The following C6orf163 variants were observed in gnomAD, a reference collection of about 807,000 sequenced individuals.
C6orf163 encodes the protein uncharacterized protein C6orf163.
In C6orf163, 22 loss-of-function variants were observed where a neutral mutation model predicts 28.4. The ratio of observed to expected loss-of-function variants is 0.78; its 90% CI spans 0.55 to 1.11. The LOEUF (loss-of-function observed/expected upper bound fraction) is 1.11. Among genes scored for constraint, C6orf163 ranks in the 50% least tolerant of loss-of-function variants. The pLI, the probability that C6orf163 is intolerant of heterozygous loss-of-function variation, is 0.00. For synonymous variants in C6orf163, 110 were observed against 123.6 expected (o/e 0.89, Z 0.73); for missense variants, 342 against 389.1 (o/e 0.88, Z 1.02).
intron 4 of C6orf163, among the ~76,000 whole-genome samples, chr6:87,359,537 G>C (rs764857651): frequency 2.2e-4 from 34 of 152,338 alleles, no homozygotes; most frequent in Admixed American, 5.9e-4. Context: ...GGTTGTACCT[G>C]ATTGAAATAG....
At chr6:87,364,377 C>G (rs1777617910) in intron 4 of C6orf163, among the ~76,000 whole-genome samples, 1 of 151,988 alleles carries the variant, frequency 6.6e-6, no homozygotes, top group South Asian at 2.1e-4. Flanking sequence ...TTAAAAATGT[C>G]TCCCTTTTAG....
At chr6:87,358,313 T>TA (rs201965539) in intron 4 of C6orf163, 16,179 of 144,668 alleles carry the variant, frequency 0.11, 885 homozygotes, top group East Asian at 0.13. Flanking sequence ...CTCTTAAAGT[T>TA]AAAAAAAAAA....
chr6:87,361,161 T>C (rs1777575399), intron 4 of C6orf163, among the ~76,000 whole-genome samples: 1 of 152,084 alleles, frequency 6.6e-6, no homozygotes, highest in Non-Finnish European at 1.5e-5. Flanking sequence ...CGCACATGCC[T>C]GTAGTCTCAG....
At position 87,365,093 on chromosome 6, in the gene C6orf163, A is replaced by G; in HGVS notation, c.687A>G (p.Gln229=). ...ATGGCATAGCTCAGAGGCAGAGGCAAGAAGAGGTACAGGAAGTGCTTCAAG... is the reference window on the plus strand; with the variant it reads ...ATGGCATAGCTCAGAGGCAGAGGCAGGAAGAGGTACAGGAAGTGCTTCAAG... ...ILYGIAQRQR[Q]EEVQEVLQEA... Residue 229 remains glutamine, a synonymous_variant, in exon 5 of 5, where the codon CAA becomes CAG. Coordinates refer to ENST00000388923, the MANE Select transcript of C6orf163 (RefSeq NM_001010868.3). 3.2e-6 allele frequency: 5 copies of G among 1,552,046 alleles called. No homozygotes were observed. The highest frequency in any genetic ancestry group is 4.4e-6 in the Non-Finnish European group (5 of 1,147,066).
At chr6:87,355,961 T>C (rs1269894617) in intron 3 of C6orf163, among the ~76,000 whole-genome samples, 1 of 152,204 alleles carries the variant, frequency 6.6e-6, no homozygotes. Flanking sequence ...AATTGCATTA[T>C]GTAATTATGT....
intron 4 of C6orf163, among the ~76,000 whole-genome samples, chr6:87,364,276 C>T (rs1011764259): frequency 2.1e-5 from 2 of 94,298 alleles, no homozygotes; most frequent in Non-Finnish European, 5.2e-5. Flanking sequence ...CGGCAAGACA[C>T]TGTCTCAAAA....
chr6:87,345,889 C>A (rs567125083), intron 1 of C6orf163, among the ~76,000 whole-genome samples: 11 of 128,956 alleles, frequency 8.5e-5, no homozygotes, highest in Non-Finnish European at 1.4e-4. Context: ...TGCACTCTAG[C>A]CTGGGTGACA....
chr6:87,360,190 A>G (rs1777561122), intron 4 of C6orf163, among the ~76,000 whole-genome samples: 2 of 152,194 alleles, frequency 1.3e-5, no homozygotes, highest in African/African-American at 2.4e-5. Flanking sequence ...TTTAATTTGA[A>G]GAAGGGAAGG....
chr6:87,348,821 C>A lies in C6orf163; in HGVS notation c.158C>A (p.Ala53Glu). ...YTHKDILDIG[A>E]NILKKEEQFQ... ...CTCTTCAAATACACAGATATTGGGG[C>A]AAATATTCTGAAAAAAGAAGAGCAG... is the stretch of plus-strand genomic sequence containing the variant. Residue 53 changes from alanine (A) to glutamate (E), a missense_variant, in exon 2 of 5, where the codon GCA becomes GAA. Coordinates refer to ENST00000388923, the MANE Select transcript of C6orf163 (RefSeq NM_001010868.3). 2 of 1,537,026 alleles carry A rather than the reference C, an allele frequency of 1.3e-6. No individual in the cohort carries two copies. Among genetic ancestry groups the A allele is most frequent in the Non-Finnish European group, 8.7e-7 (1 of 1,146,748 alleles).
rs1777628370 is a variant in C6orf163, at chr6:87,365,210, G to A, written c.804G>A (p.Leu268=). Residue 268 remains leucine, a synonymous_variant, in exon 5 of 5, where the codon CTG becomes CTA. Transcript: ENST00000388923. ...QGELLSIAKQ[L]GIMTNWKDFL... is the part of the protein sequence containing the mutation. The stretch of plus-strand genomic sequence containing the variant: ...AGCTGCTGTCTATAGCAAAACAACT[G>A]GGAATCATGACAAATTGGAAAGATT... 7.7e-6 allele frequency: 12 copies of A among 1,551,680 alleles called. No homozygotes were observed. Among genetic ancestry groups the A allele is most frequent in the Non-Finnish European group, 1.0e-5 (12 of 1,147,008 alleles).
chr6:87,348,730 C>T, intron 1 of C6orf163, 82 bp from the exon 2 acceptor site: 1 of 1,502,716 alleles, frequency 6.7e-7, no homozygotes, highest in Non-Finnish European at 8.8e-7. Flanking sequence ...AAATAGCCCT[C>T]ATAAATAACT....
chr6:87,353,022 A>C (rs149784848), intron 3 of C6orf163, among the ~76,000 whole-genome samples: 62 of 152,358 alleles, frequency 4.1e-4, no homozygotes, highest in African/African-American at 1.4e-3. Flanking sequence ...GTCTCCTTAC[A>C]TTAAATAAGA....
Position 87,365,323 on chromosome 6 carries a change from A to G in C6orf163, c.917A>G (p.Asp306Gly), listed in dbSNP as rs767654551. Reference protein sequence around the residue: ...TFPKLSPGHADFILPERKKTP... With the variant: ...TFPKLSPGHAGFILPERKKTP... ...CCTAAGCTTTCACCAGGACATGCAG[A>G]TTTTATTCTGCCAGAAAGAAAGAAA... The change falls in exon 5 of 5, where the codon GAT becomes GGT. Residue 306 changes from aspartate to glycine, a missense_variant. Transcript: ENST00000388923. 1.9e-6 allele frequency: 3 copies of G among 1,551,516 alleles called. No individual in the cohort carries two copies. The highest frequency in any genetic ancestry group is 2.6e-6 in the Non-Finnish European group (3 of 1,146,868).
rs1283691818 is a variant in C6orf163, at chr6:87,365,254, AGGAAACC to A, written c.849_855del (p.Glu284GlyfsTer?). 6.4e-7 allele frequency: 1 copy of A among 1,551,618 alleles called. No homozygotes were observed. The highest frequency in any genetic ancestry group is 8.7e-7 in the Non-Finnish European group (1 of 1,146,996). On this transcript the variant is annotated frameshift_variant, in exon 5 of 5. Coordinates refer to ENST00000388923, the MANE Select transcript of C6orf163 (RefSeq NM_001010868.3). LOFTEE classifies it high-confidence loss of function. ...AAAGATTTCCTAGAGGAGGAATTAC[AGGAAACC>A]AGGATGGCATTTCAAAAATACATCA...
At chr6:87,350,861 C>T (rs1464728037) in intron 3 of C6orf163, among the ~76,000 whole-genome samples, 1 of 152,230 alleles carries the variant, frequency 6.6e-6, no homozygotes, top group East Asian at 1.9e-4. Flanking sequence ...ATGACTGCAG[C>T]TTTCAGCAGG....
chr6:87,348,220 C>T, intron 1 of C6orf163: 1 of 984,530 alleles, frequency 1.0e-6, no homozygotes, highest in Middle Eastern at 5.2e-4. Context: ...CCTCTAGCCT[C>T]TCTAGACTTT....
In C6orf163 at chr6:87,347,334, T is replaced by C. The variant is rs1487525764; in HGVS notation, c.149-1478T>C. ...GTATGTGCATTTTTAAAAAAAGCTT[T>C]GCAGGGATCCTGTTGTACAATCAGG... On this transcript the variant is annotated intron_variant, in intron 1 of 4. Transcript: ENST00000388923. 4.3e-6 allele frequency: 4 copies of C among 933,064 alleles called. No homozygotes were observed. The African/African-American group carries it at 5.3e-5, about 12-fold the overall frequency. The allele number at this position is 933,064 out of a possible 1,614,324, so 57.8% of individuals were successfully genotyped here. A position where few individuals can be genotyped will look rare whatever the true frequency, so the allele number is the denominator to read the frequency against.
chr6:87,362,553 C>T (rs1777596619), intron 4 of C6orf163, among the ~76,000 whole-genome samples: 1 of 152,152 alleles, frequency 6.6e-6, no homozygotes, highest in Admixed American at 6.5e-5. Flanking sequence ...AAAATGCTCA[C>T]CACAGTTCCT....
At chr6:87,360,559 C>A (rs1258665647) in intron 4 of C6orf163, among the ~76,000 whole-genome samples, 1 of 151,876 alleles carries the variant, frequency 6.6e-6, no homozygotes, top group Non-Finnish European at 1.5e-5. Flanking sequence ...CACCACCATG[C>A]CCAGCTAATT....
Sources: allele counts gnomAD v4.1 joint callset (sites outside exome capture counted in the v4.1 genomes callset), GRCh38; gene constraint gnomAD v4.1.1; transcripts MANE v1.5; gene names NCBI Gene and HGNC (gene_info 2026-07-23, HGNC 2026-07-21).